The following ANO7 variants were observed in gnomAD, a reference collection of about 807,000 sequenced individuals.
ANO7 encodes the protein anoctamin-7.
A neutral mutation model predicts 115.8 loss-of-function variants in ANO7; 114 were observed. The observed-to-expected ratio is 0.98, with a 90% CI of 0.85 to 1.15. The LOEUF is 1.15. Among genes scored for constraint, ANO7 ranks in the 50% most tolerant of loss-of-function variants. The pLI is 0.00. For synonymous variants in ANO7, 550 were observed against 498.2 expected, an observed-to-expected ratio of 1.10 and a Z score of -1.38; for missense variants, 1,302 against 1,201.2, an observed-to-expected ratio of 1.08 and a Z score of -1.24.
the ANO7 span, among the ~76,000 whole-genome samples, chr2:241,237,200 C>T: frequency 1.6e-4 from 25 of 152,220 alleles, no homozygotes; most frequent in East Asian, 2.1e-3. Flanking sequence ...AGCACGCAGC[C>T]CCACCCAGGA....
chr2:241,216,371 G>A (rs1191050934), intron 19 of ANO7, 133 bp downstream of exon 19: 1 of 1,193,106 alleles, frequency 8.4e-7, no homozygotes, highest in African/African-American at 1.5e-5. Context: ...GGGGTGGGGT[G>A]GGAACAGAGG....
intron 19 of ANO7, among the ~76,000 whole-genome samples, chr2:241,216,530 G>A (rs1402957511): frequency 6.6e-6 from 1 of 152,256 alleles, no homozygotes; most frequent in Non-Finnish European, 1.5e-5. Context: ...AGAAAGCATG[G>A]GCCAGAGCAA....
At chr2:241,216,382 G>A in intron 19 of ANO7, 144 bp downstream of exon 19, 1 of 1,149,344 alleles carries the variant, frequency 8.7e-7, no homozygotes, top group Non-Finnish European at 1.2e-6. Context: ...GGAACAGAGG[G>A]TCGGGCCTGT....
chr2:241,214,451 C>T (rs747848671), intron 17 of ANO7, among the ~76,000 whole-genome samples: 3 of 152,206 alleles, frequency 2.0e-5, no homozygotes, highest in Admixed American at 6.5e-5. Flanking sequence ...CCCACTGGCT[C>T]GAACTGGGTC....
At chr2:241,197,013 T>G (rs1424568583) in intron 4 of ANO7, among the ~76,000 whole-genome samples, 1 of 152,210 alleles carries the variant, frequency 6.6e-6, no homozygotes, top group Non-Finnish European at 1.5e-5. Flanking sequence ...CCTTGCTCTG[T>G]ATCTTCTCAA....
chr2:241,237,952 CAG>C, the ANO7 span, among the ~76,000 whole-genome samples: 1 of 152,220 alleles, frequency 6.6e-6, no homozygotes, highest in African/African-American at 2.4e-5. Context: ...CCTGGATGCC[CAG>C]AGAGATGACA....
At chr2:241,230,700 C>T (rs1176000044), downstream of ANO7, 30 of 1,487,996 alleles carry the variant, frequency 2.0e-5, no homozygotes, top group Non-Finnish European at 2.5e-5. The surrounding 1 kb of genome is among the most constrained non-coding windows in gnomAD (Gnocchi z 5.0). Flanking sequence ...TTTCTTCTGG[C>T]CAGCCAGGTG....
the ANO7 span, among the ~76,000 whole-genome samples, chr2:241,239,336 CCT>C: frequency 2.0e-5 from 3 of 151,558 alleles, no homozygotes; most frequent in Admixed American, 6.6e-5. This position sits in a 1 kb window ranked among gnomAD's most constrained non-coding sequence, Gnocchi z 4.6. Flanking sequence ...TGCTTTCTTT[CCT>C]CTCTCTCTCT....
At chr2:241,214,772 CT>C in intron 17 of ANO7, 32 bp from the exon 18 acceptor site, 2 of 1,593,960 alleles carry the variant, frequency 1.3e-6, no homozygotes, top group Non-Finnish European at 1.7e-6. Context: ...GCTGGTCCCC[CT>C]CTCCCAGCTA....
the ANO7 span, among the ~76,000 whole-genome samples, chr2:241,237,709 A>G: frequency 7.0e-6 from 1 of 143,500 alleles, no homozygotes; most frequent in Non-Finnish European, 1.5e-5. Flanking sequence ...ATGTCTAAAA[A>G]TGACATTCAG....
chr2:241,201,184 C>T (rs530736428), intron 6 of ANO7, 114 bp from the exon 7 acceptor site: 78 of 1,265,244 alleles, frequency 6.2e-5, no homozygotes, highest in Middle Eastern at 4.0e-4. Context: ...CGCCAGCACC[C>T]GGGCCCCAAA....
chr2:241,215,284 G>T (rs1028560526), intron 18 of ANO7, among the ~76,000 whole-genome samples: 1 of 152,240 alleles, frequency 6.6e-6, no homozygotes, highest in Middle Eastern at 3.2e-3. Flanking sequence ...GAGGGAGGAG[G>T]AAAAGGAGGT....
At chr2:241,208,944 T>C (rs924689443) in intron 11 of ANO7, among the ~76,000 whole-genome samples, 2 of 152,008 alleles carry the variant, frequency 1.3e-5, no homozygotes, top group African/African-American at 2.4e-5. Context: ...GGTCAGAAGA[T>C]CGAGACCATC....
chr2:241,196,426 G>A (rs377062257), intron 4 of ANO7, among the ~76,000 whole-genome samples: 1 of 152,212 alleles, frequency 6.6e-6, no homozygotes, highest in East Asian at 1.9e-4. Context: ...TCATTGCCAG[G>A]TCTGTCCAAG....
At chr2:241,235,542 T>A in the ANO7 span, 1 of 1,613,912 alleles carries the variant, frequency 6.2e-7, no homozygotes, top group Non-Finnish European at 8.5e-7. Context: ...CCCAATAACG[T>A]AACGGTGAAG....
chr2:241,207,281 T>G (rs2068616738), intron 10 of ANO7, among the ~76,000 whole-genome samples: 1 of 152,232 alleles, frequency 6.6e-6, no homozygotes, highest in Non-Finnish European at 1.5e-5. Flanking sequence ...AGTGCTCCCA[T>G]GCTAATTTTA....
the ANO7 span, chr2:241,240,063 G>T: frequency 1.2e-6 from 2 of 1,614,216 alleles, no homozygotes; most frequent in Non-Finnish European, 1.7e-6. This position sits in a 1 kb window ranked among gnomAD's most constrained non-coding sequence, Gnocchi z 5.5. Context: ...CCCCCTTGCC[G>T]ATGAGGAATT....
chr2:241,216,980 C>T (rs2068846238), intron 19 of ANO7, among the ~76,000 whole-genome samples: 2 of 152,106 alleles, frequency 1.3e-5, no homozygotes, highest in Non-Finnish European at 1.5e-5. Context: ...ATTACAGGCG[C>T]CCACCACCAC....
intron 11 of ANO7, among the ~76,000 whole-genome samples, chr2:241,208,071 C>T (rs1239547657): frequency 1.3e-5 from 2 of 152,120 alleles, no homozygotes; most frequent in Non-Finnish European, 2.9e-5. Context: ...GTCTCTGAGC[C>T]CCACTGTCCC....
Sources: gnomAD v4.1 joint callset for allele counts (sites outside exome capture counted in the v4.1 genomes callset) on GRCh38, gnomAD v4.1.1 for gene constraint, Gnocchi (gnomAD v3.1) non-coding constraint, MANE v1.5 for transcripts, NCBI Gene and HGNC (gene_info 2026-07-23, HGNC 2026-07-21) for gene names.